The following DOCK5 variants were observed in gnomAD, a reference collection of about 807,000 sequenced individuals.
DOCK5 encodes the protein dedicator of cytokinesis protein 5.
A neutral mutation model predicts 251.8 loss-of-function variants in DOCK5; 142 were observed. The observed-to-expected ratio is 0.56, with a 90% CI of 0.49 to 0.65. DOCK5 has a LOEUF of 0.65. DOCK5 is among the 30% of genes least tolerant of loss of function. The pLI, the probability that DOCK5 is intolerant of heterozygous loss-of-function variation, is 0.00. For synonymous variants in DOCK5, 842 were observed against 835.5 expected (o/e 1.01, Z -0.13); for missense variants, 2,111 against 2,312.3 (o/e 0.91, Z 1.79).
At position 25,413,273 on chromosome 8, in the gene DOCK5, A is replaced by AAAC. The variant is rs1801661449; in HGVS notation, c.*1975_*1976insAAC. ...CTGGAACTCTCTAAGAGCATTACTCATACTTTTTTTTTCTTCCAAGGTAGT... is the reference window on the plus strand; with the variant it reads ...CTGGAACTCTCTAAGAGCATTACTCAAACTACTTTTTTTTTCTTCCAAGGTAGT... On this transcript the variant is annotated 3_prime_UTR_variant, in exon 52 of 52. Transcript: ENST00000276440. 1 of 152,228 alleles carries AAAC rather than the reference A, an allele frequency of 6.6e-6. No individual in the cohort carries two copies. Among genetic ancestry groups the AAAC allele is most frequent in the Non-Finnish European group, 1.5e-5 (1 of 68,050 alleles). 9.4% of individuals were successfully genotyped at this position (152,228 alleles called of 1,614,324 possible).
In DOCK5 at chr8:25,336,256, T is replaced by C; in HGVS notation, c.2210T>C (p.Leu737Pro). ...CTTCTAAGGAAACTCTCCAAGGTAC[T>C]GAACTTCTATGTGGCTAATGCAGAT... ...TLAYVKLSKV[L>P]NFYVANADDS... The change falls in exon 22 of 52, where the codon CTG becomes CCG. Residue 737 changes from leucine (L) to proline (P), a missense_variant. Leu to Pro is a moderately conservative substitution (Grantham distance 98). Transcript: ENST00000276440. 1 of 1,613,628 alleles carries C rather than the reference T, an allele frequency of 6.2e-7. No homozygotes were observed. Among genetic ancestry groups the C allele is most frequent in the Non-Finnish European group, 8.5e-7 (1 of 1,179,590 alleles).
chr8:25,341,994 CTT>C (rs888627376), intron 24 of DOCK5, among the ~76,000 whole-genome samples, 185 bp downstream of exon 24: 2 of 152,182 alleles, frequency 1.3e-5, no homozygotes, highest in Non-Finnish European at 2.9e-5. Flanking sequence ...GAGGTTTGCA[CTT>C]TCTCTGGGAA....
intron 7 of DOCK5, among the ~76,000 whole-genome samples, chr8:25,297,928 A>G (rs1804660437): frequency 6.6e-6 from 1 of 151,922 alleles, no homozygotes. Flanking sequence ...GTGGTAGTGC[A>G]TGACTGTAGT....
In DOCK5 at chr8:25,392,927, C is replaced by G. The variant is rs541303852; in HGVS notation, c.4527+45C>G. On this transcript the variant is annotated intron_variant, in intron 44 of 51. Transcript: ENST00000276440. ...CATTTAGAAAAAAACTTTCTGTTTC[C>G]AAATATAATAACAGCCTTTGTTGAA... 8 of 1,479,708 alleles carry G rather than the reference C, an allele frequency of 5.4e-6. No individual in the cohort carries two copies. The East Asian group carries it at 1.9e-4, about 35-fold the overall frequency. 91.7% of individuals were successfully genotyped at this position (1,479,708 alleles called of 1,614,324 possible). A position where few individuals can be genotyped will look rare whatever the true frequency, so the allele number is the denominator to read the frequency against.
rs144418159 is a variant in DOCK5, at chr8:25,201,446, A to G, written c.43+16495A>G. On this transcript the variant is annotated intron_variant, in intron 1 of 51. Coordinates refer to ENST00000276440, the MANE Select transcript of DOCK5 (RefSeq NM_024940.8). Reference sequence around the variant, plus strand: ...ACTAACATTACATGCCTTTTAAAAAATATGTTTGAGTTACTGAAGAAGATT... The same window carrying G: ...ACTAACATTACATGCCTTTTAAAAAGTATGTTTGAGTTACTGAAGAAGATT... 1.7e-3 allele frequency among the ~76,000 whole-genome samples: 254 copies of G among 152,352 alleles called. 1 individual carries two copies. The highest frequency in any genetic ancestry group is 5.8e-3 in the African/African-American group (241 of 41,582).
At chr8:25,281,606 C>T (rs564403737) in intron 5 of DOCK5, among the ~76,000 whole-genome samples, 6 of 147,910 alleles carry the variant, frequency 4.1e-5, no homozygotes, top group East Asian at 2.0e-4. Context: ...AAAGGCCAGG[C>T]GCAGTGGTTC....
intron 13 of DOCK5, among the ~76,000 whole-genome samples, chr8:25,312,893 G>A (rs989491624): frequency 2.0e-5 from 3 of 152,058 alleles, no homozygotes; most frequent in African/African-American, 7.2e-5. Flanking sequence ...TCATGCCGCT[G>A]CACTCCAGCC....
chr8:25,415,554 C>T lies in DOCK5; in HGVS notation c.*4256C>T, dbSNP rs1482742836. ...CTACTATTAGCCATATTTTGTGAGT[C>T]GTTTGTCTAAACTTTGTCAAAAATG... On this transcript the variant is annotated 3_prime_UTR_variant, in exon 52 of 52. Transcript: ENST00000276440. 6.6e-6 allele frequency: 1 copy of T among 152,148 alleles called. No homozygotes were observed. The highest frequency in any genetic ancestry group is 1.5e-5 in the Non-Finnish European group (1 of 68,034). 9.4% of individuals were successfully genotyped at this position (152,148 alleles called of 1,614,324 possible).
intron 1 of DOCK5, among the ~76,000 whole-genome samples, chr8:25,210,033 T>TATAA (rs1293166301): frequency 0.03 from 696 of 22,874 alleles, 247 homozygotes; most frequent in East Asian, 0.085. Flanking sequence ...TATATATATA[T>TATAA]AAATGTGTGT....
intron 27 of DOCK5, among the ~76,000 whole-genome samples, chr8:25,355,634 G>T (rs913037333): frequency 6.6e-6 from 1 of 151,994 alleles, no homozygotes; most frequent in African/African-American, 2.4e-5. Context: ...ATTTTTAGCA[G>T]AGACGAGGTT....
At chr8:25,408,392 GT>G (rs1242653690) in intron 49 of DOCK5, among the ~76,000 whole-genome samples, 1 of 152,122 alleles carries the variant, frequency 6.6e-6, no homozygotes, top group African/African-American at 2.4e-5. Flanking sequence ...AAACATGTGG[GT>G]TGATGCTTAG....
At chr8:25,185,380 C>A (rs563773161) in intron 1 of DOCK5, among the ~76,000 whole-genome samples, 1 of 151,796 alleles carries the variant, frequency 6.6e-6, no homozygotes, top group African/African-American at 2.4e-5. Flanking sequence ...GTGCTTTCTG[C>A]CCCCCGCTTT....
intron 35 of DOCK5, 69 bp downstream of exon 35, chr8:25,372,787 C>G (rs1348297095): frequency 2.1e-6 from 3 of 1,455,022 alleles, no homozygotes; most frequent in Non-Finnish European, 2.7e-6. Flanking sequence ...CAGCTCAGCT[C>G]TAGGTAGATC....
intron 46 of DOCK5, among the ~76,000 whole-genome samples, chr8:25,400,670 C>CA (rs1801423778): frequency 4.6e-5 from 7 of 151,988 alleles, no homozygotes; most frequent in Admixed American, 4.6e-4. Flanking sequence ...GGAAGTGCCC[C>CA]AGGACTCCGT....
At chr8:25,345,356 C>A in intron 25 of DOCK5, 119 bp from the exon 26 acceptor site, 1 of 1,440,302 alleles carries the variant, frequency 6.9e-7, no homozygotes, top group African/African-American at 1.4e-5. Context: ...TGCATCCCTG[C>A]AGGGCTGATT....
intron 16 of DOCK5, among the ~76,000 whole-genome samples, chr8:25,321,303 CCTCAAT>C (rs1288312029): frequency 3.3e-5 from 5 of 152,196 alleles, no homozygotes; most frequent in African/African-American, 9.7e-5. Flanking sequence ...AGACAGCAGT[CCTCAAT>C]CTTTGGCACC....
chr8:25,340,105 AT>A (rs1328845488), intron 22 of DOCK5, among the ~76,000 whole-genome samples: 2 of 152,198 alleles, frequency 1.3e-5, no homozygotes, highest in Non-Finnish European at 2.9e-5. Flanking sequence ...GTTTGCTGAC[AT>A]TTGTAATACT....
At chr8:25,221,458 G>A (rs545340863) in intron 1 of DOCK5, among the ~76,000 whole-genome samples, 5 of 152,190 alleles carry the variant, frequency 3.3e-5, no homozygotes, top group East Asian at 1.9e-4. Context: ...ACAGGCGCCC[G>A]CCACCATGCC....
intron 1 of DOCK5, among the ~76,000 whole-genome samples, chr8:25,242,991 A>G (rs572068020): frequency 3.3e-5 from 5 of 152,368 alleles, no homozygotes; most frequent in Non-Finnish European, 7.3e-5. Context: ...GAACAAGGGC[A>G]CTGACTAACA....
Sources: gnomAD v4.1 joint callset for allele counts (sites outside exome capture counted in the v4.1 genomes callset) on GRCh38, gnomAD v4.1.1 for gene constraint, MANE v1.5 for transcripts, NCBI Gene and HGNC (gene_info 2026-07-23, HGNC 2026-07-21) for gene names.